Variants in ANXA2 observed in about 807,000 individuals in gnomAD.
ANXA2 encodes annexin II.
In ANXA2, 28 loss-of-function variants were observed where a neutral mutation model predicts 47.3. The ratio of observed to expected loss-of-function variants is 0.59; its 90% confidence interval spans 0.44 to 0.81. The LOEUF (loss-of-function observed/expected upper bound fraction) is 0.81. Among genes scored for constraint, ANXA2 ranks in the 40% least tolerant of loss-of-function variants. The probability of loss-of-function intolerance (pLI) is 0.00; values close to 1 mark genes in which losing one functional copy is unlikely to be tolerated. For missense variants in ANXA2, 384 were observed against 414.3 expected, an observed-to-expected ratio of 0.93 and a Z score of 0.64; for synonymous variants, 172 against 155.5, an observed-to-expected ratio of 1.11 and a Z score of -0.79.
At chr15:60,388,443 C>T (rs917706601) in intron 1 of ANXA2, among the ~76,000 whole-genome samples, 2 of 150,708 alleles carry the variant, frequency 1.3e-5, no homozygotes, top group Non-Finnish European at 3.0e-5. Flanking sequence ...GAACTCCTAG[C>T]CTCAAGTGAT....
intron 1 of ANXA2, chr15:60,390,948 AAAGG>A (rs1332668468): frequency 6.5e-6 from 1 of 152,774 alleles, no homozygotes; most frequent in African/African-American, 2.4e-5. Context: ...GAAAGCAGGA[AAAGG>A]AAGTCTTGGC....
chr15:60,360,891 C>T, intron 5 of ANXA2, 50 bp downstream of exon 5: 1 of 1,214,794 alleles, frequency 8.2e-7, no homozygotes, highest in African/African-American at 1.5e-5. Flanking sequence ...AGCTGTAATT[C>T]ACAAAATTAA....
intron 2 of ANXA2, chr15:60,384,523 C>T (rs1267296918): frequency 6.6e-6 from 1 of 152,128 alleles, no homozygotes; most frequent in African/African-American, 2.4e-5. Flanking sequence ...AAGAAATATA[C>T]TAGAGTAACT....
chr15:60,374,763 G>C (rs1434625016), intron 3 of ANXA2: 12 of 453,086 alleles, frequency 2.6e-5, no homozygotes, highest in Non-Finnish European at 4.9e-5. Flanking sequence ...CTCAGCACTG[G>C]CCTCTTTGTT....
intron 1 of ANXA2, among the ~76,000 whole-genome samples, chr15:60,388,130 G>A (rs986688068): frequency 6.6e-6 from 1 of 151,876 alleles, no homozygotes; most frequent in Non-Finnish European, 1.5e-5. Flanking sequence ...AGAGGTAGCA[G>A]TGAGCCAAGA....
chr15:60,378,702 A>AT (rs2062813877), intron 3 of ANXA2, among the ~76,000 whole-genome samples: 1 of 152,236 alleles, frequency 6.6e-6, no homozygotes, highest in Non-Finnish European at 1.5e-5. Context: ...GCGGTGTCTC[A>AT]TACCTGTAAT....
chr15:60,372,695 T>C (rs564258113), intron 3 of ANXA2, among the ~76,000 whole-genome samples: 2 of 149,734 alleles, frequency 1.3e-5, no homozygotes, highest in African/African-American at 4.9e-5. Context: ...ATCTTTCCTT[T>C]TTTTTTTTTT....
chr15:60,366,458 G>A (rs1335323841), intron 3 of ANXA2, among the ~76,000 whole-genome samples: 2 of 148,580 alleles, frequency 1.3e-5, no homozygotes, highest in African/African-American at 2.5e-5. Context: ...CTGCCCCACC[G>A]CCCTGTCTGG....
At chr15:60,369,297 C>G (rs1307283080) in intron 3 of ANXA2, among the ~76,000 whole-genome samples, 1 of 152,226 alleles carries the variant, frequency 6.6e-6, no homozygotes, top group African/African-American at 2.4e-5. Context: ...TTCGCTTGCT[C>G]GTTTGCTCCC....
At chr15:60,366,480 C>T (rs1414073754) in intron 3 of ANXA2, among the ~76,000 whole-genome samples, 1 of 149,074 alleles carries the variant, frequency 6.7e-6, no homozygotes, top group African/African-American at 2.5e-5. Context: ...ATGTGAGGAG[C>T]GCCTCTGCCC....
chr15:60,357,083 T>G (rs975644328), intron 6 of ANXA2, 63 bp downstream of exon 6: 15 of 1,468,766 alleles, frequency 1.0e-5, no homozygotes, highest in South Asian at 2.3e-5. Flanking sequence ...CTAACCCCAG[T>G]GGCCATGATA....
At chr15:60,357,460 CA>C (rs2062449577) in intron 5 of ANXA2, among the ~76,000 whole-genome samples, 1 of 152,116 alleles carries the variant, frequency 6.6e-6, no homozygotes, top group Non-Finnish European at 1.5e-5. Context: ...GTGGAACTGG[CA>C]TGTTGGAGTT....
intron 2 of ANXA2, 51 bp downstream of exon 2, chr15:60,385,977 G>T: frequency 8.0e-7 from 1 of 1,244,252 alleles, no homozygotes; most frequent in Non-Finnish European, 1.2e-6. Flanking sequence ...TGGTTATCCA[G>T]AGAGATGTCC....
At chr15:60,357,102 T>C (rs895823609) in intron 6 of ANXA2, 44 bp downstream of exon 6, 1 of 1,576,216 alleles carries the variant, frequency 6.3e-7, no homozygotes, top group Non-Finnish European at 8.7e-7. Context: ...TAGAGTCACA[T>C]AAATTGGGCT....
intron 1 of ANXA2, chr15:60,386,661 C>T (rs2062937656): frequency 6.6e-6 from 1 of 152,450 alleles, no homozygotes; most frequent in African/African-American, 2.4e-5. Context: ...CTGACCTTAA[C>T]TCATTCCATA....
intron 3 of ANXA2, among the ~76,000 whole-genome samples, chr15:60,370,540 G>C (rs2062697233): frequency 6.6e-6 from 1 of 152,152 alleles, no homozygotes; most frequent in African/African-American, 2.4e-5. Flanking sequence ...TTATTCCTGT[G>C]AAAAATTGTT....
At chr15:60,350,705 A>G (rs1043499603) in intron 11 of ANXA2, among the ~76,000 whole-genome samples, 6 of 152,070 alleles carry the variant, frequency 3.9e-5, no homozygotes, top group African/African-American at 1.4e-4. Context: ...CCCAGGTTCA[A>G]ATCTGTCTGT....
intron 12 of ANXA2, among the ~76,000 whole-genome samples, chr15:60,348,664 G>A (rs141579047): frequency 0.012 from 1,749 of 150,554 alleles, 37 homozygotes; most frequent in African/African-American, 0.04. Flanking sequence ...AAAATGGTGT[G>A]AACCCAGAAG....
chr15:60,362,556 G>A (rs1231353857), intron 4 of ANXA2: 1 of 152,192 alleles, frequency 6.6e-6, no homozygotes, highest in African/African-American at 2.4e-5. Flanking sequence ...GGTTCTTCAA[G>A]CTCATCACCT....
Sources: gnomAD v4.1 joint callset for allele counts (sites outside exome capture counted in the v4.1 genomes callset) on GRCh38, gnomAD v4.1.1 for gene constraint, MANE v1.5 for transcripts, NCBI Gene and HGNC (gene_info 2026-07-23, HGNC 2026-07-21) for gene names.